The following ASTN2 variants were observed in gnomAD, a reference collection of about 807,000 sequenced individuals.
The protein encoded by ASTN2 is astrotactin-2.
A neutral mutation model predicts 139.8 loss-of-function variants in ASTN2; 54 were observed. The observed-to-expected ratio is 0.39, with a 90% CI of 0.31 to 0.48. ASTN2 has a LOEUF of 0.48. ASTN2 is among the 20% of genes least tolerant of loss of function. ASTN2 has a pLI of 0.95. For missense variants in ASTN2, 1,565 were observed against 1,725.1 expected (o/e 0.91, Z 1.64); for synonymous variants, 756 against 719.5 (o/e 1.05, Z -0.81).
chr9:116,866,170 T>G (rs2132345093), intron 10 of ASTN2, among the ~76,000 whole-genome samples: 1 of 152,334 alleles, frequency 6.6e-6, no homozygotes, highest in East Asian at 1.9e-4. Context: ...GATTTATTCA[T>G]TTCTCTTTAG....
chr9:116,683,991 C>T (rs915222435), intron 16 of ASTN2, among the ~76,000 whole-genome samples: 7 of 152,154 alleles, frequency 4.6e-5, no homozygotes, highest in African/African-American at 1.7e-4. Context: ...AGTCCCTGTA[C>T]AAGGTTCTGT....
chr9:117,210,006 A>G (rs1832068429), intron 3 of ASTN2, among the ~76,000 whole-genome samples: 1 of 152,166 alleles, frequency 6.6e-6, no homozygotes, highest in Admixed American at 6.5e-5. Context: ...TCCTTGAAAC[A>G]AATGAAAACA....
intron 13 of ASTN2, among the ~76,000 whole-genome samples, chr9:116,764,704 G>C (rs773991172): frequency 5.3e-5 from 8 of 152,088 alleles, no homozygotes; most frequent in Non-Finnish European, 8.8e-5. Context: ...CAAGAAGTGT[G>C]ATCCCTTTCT....
intron 1 of ASTN2, among the ~76,000 whole-genome samples, chr9:117,349,633 C>T (rs554351921): frequency 6.6e-6 from 1 of 152,238 alleles, no homozygotes; most frequent in South Asian, 2.1e-4. Context: ...AGCTTAATTG[C>T]CCTCTCCTTC....
At chr9:116,807,903 C>T (rs555327831) in intron 12 of ASTN2, among the ~76,000 whole-genome samples, 185 of 150,302 alleles carry the variant, frequency 1.2e-3, no homozygotes, top group African/African-American at 4.2e-3. Context: ...TGAGGTCAGG[C>T]GTTCAAGACC....
At chr9:117,124,909 A>T (rs1032486991) in intron 4 of ASTN2, among the ~76,000 whole-genome samples, 1 of 151,896 alleles carries the variant, frequency 6.6e-6, no homozygotes, top group Non-Finnish European at 1.5e-5. Context: ...TCTGTGTCTC[A>T]GTCTACTCAC....
chr9:116,699,115 A>G lies in ASTN2; in HGVS notation c.2806+26656T>C. On this transcript the variant is annotated intron_variant, in intron 16 of 22. Transcript: ENST00000313400. This position sits in a 1 kb window ranked among gnomAD's most constrained non-coding sequence, Gnocchi z 4.2. ...AACTCCCTCAAGGTATATACCTTGG[A>G]TGGCCACTGCGTGGCCTGTCACAGG... 6.2e-7 allele frequency: 1 copy of G among 1,614,040 alleles called. No individual in the cohort carries two copies. The highest frequency in any genetic ancestry group is 8.5e-7 in the Non-Finnish European group (1 of 1,179,982).
chr9:117,257,616 A>G (rs1833721867), intron 2 of ASTN2, among the ~76,000 whole-genome samples: 1 of 152,212 alleles, frequency 6.6e-6, no homozygotes, highest in African/African-American at 2.4e-5. Context: ...TTTTCTCCCC[A>G]GGACAGCAGC....
chr9:116,763,068 C>T (rs532966778), intron 13 of ASTN2, among the ~76,000 whole-genome samples: 1 of 152,296 alleles, frequency 6.6e-6, no homozygotes, highest in East Asian at 1.9e-4. Context: ...CACCATGATG[C>T]TCTCATAAGA....
At chr9:117,280,736 C>T (rs1391078289) in intron 2 of ASTN2, among the ~76,000 whole-genome samples, 3 of 152,078 alleles carry the variant, frequency 2.0e-5, no homozygotes, top group Non-Finnish European at 2.9e-5. Flanking sequence ...TAATTTGTCA[C>T]GGCAGCCTTA....
chr9:117,196,649 G>C (rs1831513066), intron 3 of ASTN2, among the ~76,000 whole-genome samples: 1 of 152,164 alleles, frequency 6.6e-6, no homozygotes, highest in Admixed American at 6.5e-5. Context: ...CAGGAGAGCA[G>C]AGAAAAGCTT....
chr9:116,768,356 G>A (rs969144685), intron 13 of ASTN2, among the ~76,000 whole-genome samples: 1 of 152,164 alleles, frequency 6.6e-6, no homozygotes, highest in Non-Finnish European at 1.5e-5. Flanking sequence ...AGTAGCCTAT[G>A]ACACAGAGGA....
intron 5 of ASTN2, among the ~76,000 whole-genome samples, chr9:117,044,720 A>G (rs1838681512): frequency 6.6e-6 from 1 of 152,110 alleles, no homozygotes; most frequent in Non-Finnish European, 1.5e-5. Context: ...CCTTCTTTCC[A>G]TCCATCCATT....
chr9:117,296,385 A>C (rs1298776741), intron 1 of ASTN2, among the ~76,000 whole-genome samples: 1 of 151,934 alleles, frequency 6.6e-6, no homozygotes, highest in Admixed American at 6.6e-5. Flanking sequence ...TGTACATTTT[A>C]TTCAGAACCA....
intron 19 of ASTN2, among the ~76,000 whole-genome samples, chr9:116,515,481 A>G (rs1850605743): frequency 6.6e-6 from 1 of 152,164 alleles, no homozygotes; most frequent in Non-Finnish European, 1.5e-5. Context: ...CCATTCTTTG[A>G]TCAGGACCAG....
chr9:117,220,719 G>T (rs750605692), intron 2 of ASTN2, among the ~76,000 whole-genome samples: 1 of 152,118 alleles, frequency 6.6e-6, no homozygotes, highest in Non-Finnish European at 1.5e-5. Flanking sequence ...CTGACATCAT[G>T]ATTTTGGACT....
intron 10 of ASTN2, among the ~76,000 whole-genome samples, chr9:116,961,265 G>A (rs2132503471): frequency 7.1e-6 from 1 of 140,326 alleles, no homozygotes; most frequent in African/African-American, 2.7e-5. Flanking sequence ...GTATAATTTA[G>A]TGGTATTAGT....
intron 17 of ASTN2, among the ~76,000 whole-genome samples, chr9:116,630,582 A>C (rs1359432417): frequency 6.6e-6 from 1 of 152,182 alleles, no homozygotes; most frequent in Non-Finnish European, 1.5e-5. Flanking sequence ...GTCAGTCCCA[A>C]GTCCTTCTTT....
rs1457045639 is a variant in ASTN2, at chr9:117,126,138, A to G, written c.1168+15188T>C. Among the ~76,000 whole-genome samples, 2 of 152,364 alleles carry G rather than the reference A, an allele frequency of 1.3e-5. 1 individual carries two copies. The highest frequency in any genetic ancestry group is 4.1e-4 in the South Asian group (2 of 4,820). ...ATAATAATTAGGTCAGAAAATGAAT[A>G]TGAATCCCACCAGAGTAATTAGGAT... On this transcript the variant is annotated intron_variant, in intron 4 of 22. Coordinates refer to ENST00000313400, the MANE Select transcript of ASTN2 (RefSeq NM_001365068.1).
Sources: gnomAD v4.1 joint callset for allele counts (sites outside exome capture counted in the v4.1 genomes callset) on GRCh38, gnomAD v4.1.1 for gene constraint, Gnocchi (gnomAD v3.1) non-coding constraint, MANE v1.5 for transcripts, NCBI Gene and HGNC (gene_info 2026-07-23, HGNC 2026-07-21) for gene names.